The following NPM1 variants were observed in gnomAD, a reference collection of about 807,000 sequenced individuals.
The protein encoded by NPM1 is nucleophosmin 1, also known as nucleophosmin.
In NPM1, 1 loss-of-function variant was observed where a neutral mutation model predicts 44.1. The observed-to-expected ratio is 0.02, with a 90% CI of 0.01 to 0.11. The LOEUF is 0.11. NPM1 is among the 10% of genes least tolerant of loss of function. The pLI, the probability that NPM1 is intolerant of heterozygous loss-of-function variation, is 1.00. For synonymous variants in NPM1, 126 were observed against 111.8 expected, an observed-to-expected ratio of 1.13 and a Z score of -0.80; for missense variants, 197 against 347.8, an observed-to-expected ratio of 0.57 and a Z score of 3.45.
chr5:171,408,122 G>A (rs1771661217), intron 10 of NPM1, among the ~76,000 whole-genome samples: 1 of 148,400 alleles, frequency 6.7e-6, no homozygotes, highest in South Asian at 2.1e-4. Context: ...GTCTGGTCTT[G>A]GCTTTTTTGG....
intron 6 of NPM1, among the ~76,000 whole-genome samples, chr5:171,397,608 CTCTTTG>C: frequency 6.6e-6 from 1 of 151,168 alleles, no homozygotes; most frequent in South Asian, 2.1e-4. Flanking sequence ...CCATTTACTT[CTCTTTG>C]TCTTTACTAA....
At chr5:171,393,943 A>G (rs140761488) in intron 6 of NPM1, among the ~76,000 whole-genome samples, 180 of 152,314 alleles carry the variant, frequency 1.2e-3, no homozygotes, top group African/African-American at 4.2e-3. Context: ...GCAAGACCCA[A>G]TCTCAAAAGA....
At chr5:171,404,344 C>T (rs1304035113) in intron 8 of NPM1, among the ~76,000 whole-genome samples, 2 of 77,796 alleles carry the variant, frequency 2.6e-5, no homozygotes, top group Non-Finnish European at 5.1e-5. Flanking sequence ...TCAGACGGGG[C>T]AGCTGCCGGG....
intron 6 of NPM1, 141 bp from the exon 7 acceptor site, chr5:171,400,012 G>A (rs1771108534): frequency 1.6e-6 from 1 of 619,126 alleles, no homozygotes. Flanking sequence ...TAACACTTGG[G>A]TTGCTTTCAC....
At position 171,387,863 on chromosome 5, in the gene NPM1, A is replaced by G. The variant is rs961168339; in HGVS notation, c.-86A>G. On this transcript the variant is annotated 5_prime_UTR_variant, in exon 1 of 11. Transcript: ENST00000296930. ...GAGCCTGCGTCCTTTCCCTGGTGTG[A>G]TTCCGTCCTGCGCGGTTGTTCTCTG... 62 of 1,275,646 alleles carry G rather than the reference A, an allele frequency of 4.9e-5. No individual in the cohort carries two copies. The highest frequency in any genetic ancestry group is 6.4e-5 in the Non-Finnish European group (56 of 878,514). 79.0% of individuals were successfully genotyped at this position (1,275,646 alleles called of 1,614,324 possible).
chr5:171,395,213 CAATGT>C (rs1770819124), intron 6 of NPM1, among the ~76,000 whole-genome samples: 1 of 151,956 alleles, frequency 6.6e-6, no homozygotes, highest in African/African-American at 2.4e-5. Flanking sequence ...GATGTAACCA[CAATGT>C]AATTTTGTTT....
chr5:171,405,199 A>G (rs1372418243), intron 8 of NPM1, 103 bp from the exon 9 acceptor site: 1 of 645,982 alleles, frequency 1.5e-6, no homozygotes, highest in African/African-American at 1.8e-5. Context: ...TTAGCTTTAT[A>G]AGGGAGTTTT....
At chr5:171,388,641 G>A (rs1229615282) in intron 1 of NPM1, among the ~76,000 whole-genome samples, 2 of 152,208 alleles carry the variant, frequency 1.3e-5, no homozygotes, top group African/African-American at 2.4e-5. Flanking sequence ...TCACCGGCGT[G>A]TTGCCACTCG....
chr5:171,403,450 C>A (rs1259349869), intron 8 of NPM1, among the ~76,000 whole-genome samples: 1 of 117,194 alleles, frequency 8.5e-6, no homozygotes, highest in African/African-American at 3.2e-5. Flanking sequence ...CAATCTTTTC[C>A]CCACCTTTCC....
At chr5:171,396,294 T>C (rs1366260888) in intron 6 of NPM1, among the ~76,000 whole-genome samples, 6 of 152,180 alleles carry the variant, frequency 3.9e-5, no homozygotes, top group African/African-American at 1.4e-4. Flanking sequence ...AAAGCTGTTT[T>C]GATAGTAGTT....
chr5:171,398,556 T>C (rs1177811254), intron 6 of NPM1, among the ~76,000 whole-genome samples: 1 of 152,140 alleles, frequency 6.6e-6, no homozygotes, highest in Non-Finnish European at 1.5e-5. Context: ...AGGCGGATCA[T>C]GACCAGGAGA....
intron 8 of NPM1, among the ~76,000 whole-genome samples, 167 bp downstream of exon 8, chr5:171,401,092 C>T (rs1232806421): frequency 1.3e-5 from 2 of 152,100 alleles, no homozygotes; most frequent in South Asian, 2.1e-4. Flanking sequence ...GTGGCTCACT[C>T]CTGTAATCCC....
chr5:171,407,500 C>T (rs1227213045), intron 9 of NPM1, 200 bp from the exon 10 acceptor site: 1 of 557,766 alleles, frequency 1.8e-6, no homozygotes, highest in Non-Finnish European at 3.1e-6. Context: ...TTTGGCAAAT[C>T]TGTTTGAATA....
chr5:171,392,753 T>C lies in NPM1; in HGVS notation c.396T>C (p.Asp132=). Residue 132 remains aspartate (D), a synonymous_variant, in exon 5 of 11, where the codon GAT becomes GAC. Coordinates refer to ENST00000296930, the MANE Select transcript of NPM1 (RefSeq NM_002520.7). ...DAESEDEEEE[D]VKLLSISGKR... ...AGTCAGAAGATGAAGAGGAGGAGGA[T>C]GTGAAACTCTTAAGTATATCTGGAA... 1 of 1,613,696 alleles carries C rather than the reference T, an allele frequency of 6.2e-7. No individual in the cohort carries two copies. Among genetic ancestry groups the C allele is most frequent in the Non-Finnish European group, 8.5e-7 (1 of 1,179,682 alleles).
intron 2 of NPM1, chr5:171,391,086 C>T (rs2113164840): frequency 4.0e-6 from 2 of 504,278 alleles, no homozygotes; most frequent in South Asian, 2.7e-5. Context: ...TACAGTAACA[C>T]TGTACAGGTT....
At chr5:171,400,784 GT>G in intron 7 of NPM1, 54 bp from the exon 8 acceptor site, 1 of 1,177,500 alleles carries the variant, frequency 8.5e-7, no homozygotes, top group Non-Finnish European at 1.3e-6. Context: ...GGACAGCTTT[GT>G]TTGCACTGTT....
At chr5:171,387,663 T>G (rs1446466928), upstream of NPM1, 2 of 444,768 alleles carry the variant, frequency 4.5e-6, no homozygotes, top group Admixed American at 4.2e-5. Flanking sequence ...GCGTGCTCGG[T>G]GGGAGCCCGC....
In NPM1 at chr5:171,404,242, C is replaced by T. The variant is rs1389353358; in HGVS notation, c.670-1060C>T. 3.7e-5 allele frequency among the ~76,000 whole-genome samples: 4 copies of T among 109,008 alleles called. 2 individuals are homozygous for T. The allele number at this position is 109,008 out of a possible 152,430, so 71.5% of individuals were successfully genotyped here. A position where few individuals can be genotyped will look rare whatever the true frequency, so the allele number is the denominator to read the frequency against. ...TGGCCGGGCGGGGGGTTGACCCCCCCCCACCTCCCTCCCGGACGGGGTGGC... is the reference window on the plus strand; with the variant it reads ...TGGCCGGGCGGGGGGTTGACCCCCCTCCACCTCCCTCCCGGACGGGGTGGC... On this transcript the variant is annotated intron_variant, in intron 8 of 10. Coordinates refer to ENST00000296930, the MANE Select transcript of NPM1 (RefSeq NM_002520.7).
chr5:171,406,472 T>C (rs1771575366), intron 9 of NPM1: 2 of 1,607,714 alleles, frequency 1.2e-6, no homozygotes, highest in Admixed American at 1.7e-5. Context: ...GAGACAAATA[T>C]AGTCCATACT....
Sources: allele counts gnomAD v4.1 joint callset (sites outside exome capture counted in the v4.1 genomes callset), GRCh38; gene constraint gnomAD v4.1.1; transcripts MANE v1.5; gene names NCBI Gene and HGNC (gene_info 2026-07-23, HGNC 2026-07-21).